PCSK2: variants seen among roughly 807,000 people sequenced by gnomAD.
The protein encoded by PCSK2 is proprotein convertase subtilisin/kexin type 2.
In PCSK2, 14 loss-of-function variants were observed where a neutral mutation model predicts 69.7. The ratio of observed to expected loss-of-function variants is 0.20; its 90% confidence interval spans 0.13 to 0.31. The LOEUF (loss-of-function observed/expected upper bound fraction) is 0.31. PCSK2 is among the 10% of genes least tolerant of loss of function. The pLI is 1.00. For synonymous variants in PCSK2, 307 were observed against 320.7 expected (o/e 0.96, Z 0.46); for missense variants, 544 against 842.5 (o/e 0.65, Z 4.39).
upstream of PCSK2, among the ~76,000 whole-genome samples, chr20:17,226,811 T>A (rs1174898575): frequency 7.8e-6 from 1 of 127,648 alleles, no homozygotes; most frequent in African/African-American, 2.9e-5. Flanking sequence ...TGCGCTGCGC[T>A]GCGCTGCGCT....
intron 2 of PCSK2, among the ~76,000 whole-genome samples, chr20:17,280,221 C>A (rs778732355): frequency 9.2e-5 from 14 of 152,080 alleles, no homozygotes; most frequent in Non-Finnish European, 1.9e-4. Context: ...AGTAGTATAT[C>A]TTAGAGAATT....
chr20:17,329,609 C>G (rs148363985), intron 2 of PCSK2, among the ~76,000 whole-genome samples: 1 of 152,190 alleles, frequency 6.6e-6, no homozygotes, highest in Non-Finnish European at 1.5e-5. Context: ...TTAAAAACTT[C>G]GCTCTCTCAG....
chr20:17,425,631 G>A (rs1438852793), intron 6 of PCSK2, among the ~76,000 whole-genome samples: 3 of 152,244 alleles, frequency 2.0e-5, no homozygotes, highest in Non-Finnish European at 4.4e-5. Flanking sequence ...AATAAATCTT[G>A]GCCCTGAAAT....
chr20:17,322,558 C>T (rs1306701204), intron 2 of PCSK2, among the ~76,000 whole-genome samples: 4 of 152,216 alleles, frequency 2.6e-5, no homozygotes, highest in Non-Finnish European at 4.4e-5. Flanking sequence ...ATGCCATTGA[C>T]TGAATAATTT....
At chr20:17,344,389 TC>T (rs1313042968) in intron 2 of PCSK2, among the ~76,000 whole-genome samples, 4 of 152,188 alleles carry the variant, frequency 2.6e-5, no homozygotes, top group Admixed American at 6.5e-5. Flanking sequence ...CTGGAACTGT[TC>T]CATTGGCAAT....
chr20:17,368,247 A>C (rs1021274844), intron 4 of PCSK2, among the ~76,000 whole-genome samples: 8 of 152,226 alleles, frequency 5.3e-5, no homozygotes, highest in African/African-American at 1.9e-4. Context: ...TAGTTATTAA[A>C]TGCACCAGCT....
chr20:17,461,044 A>T (rs963167355), intron 10 of PCSK2, among the ~76,000 whole-genome samples: 2 of 151,430 alleles, frequency 1.3e-5, no homozygotes, highest in Admixed American at 1.3e-4. Flanking sequence ...GGTGGAACAT[A>T]GAAAAGGCCC....
At chr20:17,343,719 A>T (rs1195683583) in intron 2 of PCSK2, among the ~76,000 whole-genome samples, 2 of 152,244 alleles carry the variant, frequency 1.3e-5, no homozygotes, top group African/African-American at 4.8e-5. Flanking sequence ...TTACAAGAGG[A>T]AGGCAGAAGA....
At chr20:17,329,786 G>C (rs962335758) in intron 2 of PCSK2, among the ~76,000 whole-genome samples, 22 of 152,172 alleles carry the variant, frequency 1.4e-4, no homozygotes, top group Non-Finnish European at 1.5e-5. Flanking sequence ...AAGATAATCT[G>C]TTACGTAAAT....
intron 5 of PCSK2, among the ~76,000 whole-genome samples, chr20:17,397,011 G>T (rs1400544223): frequency 6.6e-6 from 1 of 152,144 alleles, no homozygotes; most frequent in Non-Finnish European, 1.5e-5. Flanking sequence ...CGATACTCAG[G>T]TCAAATTTGG....
rs1432746786 is a variant in PCSK2, at chr20:17,303,552, A to ATTTATTATATATAATAT, written c.282+43208_282+43209insTTTATTATATATAATAT. Among the ~76,000 whole-genome samples the ATTTATTATATATAATAT allele has an allele frequency of 2.7e-3, 138 of 50,448 alleles. 1 individual carries two copies. Among genetic ancestry groups the ATTTATTATATATAATAT allele is most frequent in the East Asian group, 7.4e-3 (10 of 1,354 alleles). 33.1% of individuals were successfully genotyped at this position (50,448 alleles called of 152,430 possible). A position where few individuals can be genotyped will look rare whatever the true frequency, so the allele number is the denominator to read the frequency against. On this transcript the variant is annotated intron_variant, in intron 2 of 11. Coordinates refer to ENST00000262545, the MANE Select transcript of PCSK2 (RefSeq NM_002594.5). ...TATTATATTATATATAATATGATAT[A>ATTTATTATATATAATAT]ATATATATTATATAATATATTAAAA... is the stretch of plus-strand genomic sequence containing the variant.
intron 4 of PCSK2, among the ~76,000 whole-genome samples, chr20:17,363,309 T>C (rs1319152929): frequency 6.6e-6 from 1 of 152,194 alleles, no homozygotes; most frequent in East Asian, 1.9e-4. Context: ...TCAATAAATA[T>C]CTGCTGCCTT....
intron 2 of PCSK2, among the ~76,000 whole-genome samples, chr20:17,277,692 T>C (rs1356156764): frequency 6.7e-6 from 1 of 149,788 alleles, no homozygotes; most frequent in African/African-American, 2.4e-5. Flanking sequence ...CCAAAAGCAA[T>C]GGCAACAAAA....
intron 5 of PCSK2, among the ~76,000 whole-genome samples, chr20:17,403,026 G>A (rs1315307725): frequency 6.6e-6 from 1 of 152,168 alleles, no homozygotes; most frequent in African/African-American, 2.4e-5. Flanking sequence ...ACAACTGTGT[G>A]GCCTGACCGT....
At chr20:17,237,130 T>C (rs772506442) in intron 1 of PCSK2, among the ~76,000 whole-genome samples, 14 of 152,064 alleles carry the variant, frequency 9.2e-5, no homozygotes, top group Non-Finnish European at 1.8e-4. Context: ...TAATAGAGTG[T>C]CAATGAAATA....
At chr20:17,254,882 C>A (rs1032763174) in intron 1 of PCSK2, among the ~76,000 whole-genome samples, 11 of 152,134 alleles carry the variant, frequency 7.2e-5, no homozygotes, top group African/African-American at 2.7e-4. Flanking sequence ...ATACATCTTG[C>A]ACTTCTTTTG....
Position 17,315,872 on chromosome 20 carries a change from G to A in PCSK2, c.283-42455G>A, listed in dbSNP as rs115643267. On this transcript the variant is annotated intron_variant, in intron 2 of 11. Coordinates refer to ENST00000262545, the MANE Select transcript of PCSK2 (RefSeq NM_002594.5). Reference sequence around the variant, plus strand: ...TGAAGCCAGTGTGAATCCATGGCCCGCGCGGACACACCCGCCAAGCAGGCA... The same window carrying A: ...TGAAGCCAGTGTGAATCCATGGCCCACGCGGACACACCCGCCAAGCAGGCA... Among the ~76,000 whole-genome samples the A allele has an allele frequency of 6.3e-3, 952 of 152,266 alleles. 14 individuals carry two copies. The highest frequency in any genetic ancestry group is 0.022 in the African/African-American group (903 of 41,554).
At chr20:17,332,551 T>C (rs1304765261) in intron 2 of PCSK2, among the ~76,000 whole-genome samples, 1 of 152,200 alleles carries the variant, frequency 6.6e-6, no homozygotes, top group Non-Finnish European at 1.5e-5. Context: ...AGTTCTCAAA[T>C]TGTGTCCCCT....
At chr20:17,447,295 GA>G (rs2032718554) in intron 8 of PCSK2, among the ~76,000 whole-genome samples, 1 of 146,330 alleles carries the variant, frequency 6.8e-6, no homozygotes, top group Admixed American at 6.8e-5. Flanking sequence ...ATCTATGAAA[GA>G]AAAAAACATA....
Sources: gnomAD v4.1 joint callset for allele counts (sites outside exome capture counted in the v4.1 genomes callset) on GRCh38, gnomAD v4.1.1 for gene constraint, MANE v1.5 for transcripts, NCBI Gene and HGNC (gene_info 2026-07-23, HGNC 2026-07-21) for gene names.